FHIT: variants seen among roughly 807,000 people sequenced by gnomAD.
The protein encoded by FHIT is bis(5'-adenosyl)-triphosphatase.
In FHIT, 19 loss-of-function variants were observed where a neutral mutation model predicts 17.9. The ratio of observed to expected loss-of-function variants is 1.06; its 90% CI spans 0.74 to 1.56. FHIT has a LOEUF of 1.56. FHIT is among the 40% of genes most tolerant of loss of function. FHIT has a pLI of 0.00. For synonymous variants in FHIT, 81 were observed against 69.7 expected, an observed-to-expected ratio of 1.16 and a Z score of -0.81; for missense variants, 248 against 189.2, an observed-to-expected ratio of 1.31 and a Z score of -1.82.
chr3:60,763,246 G>T (rs1316358857), intron 4 of FHIT, among the ~76,000 whole-genome samples: 1 of 152,108 alleles, frequency 6.6e-6, no homozygotes, highest in African/African-American at 2.4e-5. Flanking sequence ...TCATTATCAT[G>T]GTGGGCTCAC....
intron 4 of FHIT, among the ~76,000 whole-genome samples, chr3:60,820,438 T>A (rs1212827060): frequency 6.6e-6 from 1 of 152,248 alleles, no homozygotes; most frequent in Admixed American, 6.5e-5. Flanking sequence ...TTTCATTTAC[T>A]GCCTTTAAAC....
intron 8 of FHIT, among the ~76,000 whole-genome samples, chr3:59,870,875 G>C (rs60783866): frequency 3.4e-5 from 2 of 58,982 alleles, no homozygotes; most frequent in African/African-American, 6.2e-5. Context: ...GTGTGTGTGC[G>C]TGTGTGTGTG....
At chr3:60,036,725 G>T (rs547495642) in intron 5 of FHIT, among the ~76,000 whole-genome samples, 1 of 152,212 alleles carries the variant, frequency 6.6e-6, no homozygotes, top group East Asian at 1.9e-4. Context: ...TACAAAGAGA[G>T]AATTCTAAAT....
chr3:60,801,010 G>A (rs1245747499), intron 4 of FHIT, among the ~76,000 whole-genome samples: 4 of 152,126 alleles, frequency 2.6e-5, no homozygotes, highest in African/African-American at 9.7e-5. Context: ...CTTGGTAGGG[G>A]ACCAACAGCA....
chr3:60,543,907 C>CTTTTTTTTTTTTTGTTTTTTTTTT (rs2036271067), intron 4 of FHIT, among the ~76,000 whole-genome samples: 1 of 52,076 alleles, frequency 1.9e-5, no homozygotes, highest in Non-Finnish European at 3.0e-5. Flanking sequence ...CCACGCCCGG[C>CTTTTTTTTTTTTTGTTTTTTTTTT]TTTTTTTTTT....
At chr3:60,229,463 A>G (rs1370099991) in intron 5 of FHIT, among the ~76,000 whole-genome samples, 2 of 151,940 alleles carry the variant, frequency 1.3e-5, no homozygotes, top group African/African-American at 2.4e-5. Flanking sequence ...AGAAAGAAAG[A>G]AAAGAAAGCA....
intron 5 of FHIT, among the ~76,000 whole-genome samples, chr3:60,443,883 A>T (rs560946479): frequency 3.4e-4 from 51 of 152,174 alleles, no homozygotes; most frequent in Middle Eastern, 3.2e-3. Flanking sequence ...AGCAAAAGAA[A>T]CTACCATCAG....
At chr3:60,090,850 T>C (rs1299245885) in intron 5 of FHIT, among the ~76,000 whole-genome samples, 2 of 152,168 alleles carry the variant, frequency 1.3e-5, no homozygotes, top group Admixed American at 1.3e-4. Flanking sequence ...AGAAGATCTG[T>C]TGTCTGAGCT....
chr3:60,197,160 T>A (rs1702684989), intron 5 of FHIT, among the ~76,000 whole-genome samples: 1 of 152,146 alleles, frequency 6.6e-6, no homozygotes, highest in Non-Finnish European at 1.5e-5. Flanking sequence ...ATCATGTCAG[T>A]CATGATTTCA....
At chr3:60,835,054 C>A (rs537523854) in intron 3 of FHIT, among the ~76,000 whole-genome samples, 1 of 152,084 alleles carries the variant, frequency 6.6e-6, no homozygotes, top group African/African-American at 2.4e-5. Flanking sequence ...ATGCCTTCTC[C>A]TTCTAAAAGA....
intron 4 of FHIT, among the ~76,000 whole-genome samples, chr3:60,655,605 A>G (rs2040097308): frequency 6.6e-6 from 1 of 152,124 alleles, no homozygotes; most frequent in Non-Finnish European, 1.5e-5. Context: ...TAAGCACATC[A>G]CCTTCATTAT....
intron 5 of FHIT, among the ~76,000 whole-genome samples, chr3:60,099,366 A>G (rs1704097877): frequency 6.6e-6 from 1 of 152,202 alleles, no homozygotes; most frequent in African/African-American, 2.4e-5. Flanking sequence ...TGTGGAATAC[A>G]TTATTCTCAT....
In FHIT at chr3:60,945,990, G is replaced by C. The variant is rs569251140; in HGVS notation, c.-111+96057C>G. On this transcript the variant is annotated intron_variant, in intron 3 of 9. Coordinates refer to ENST00000492590, the MANE Select transcript of FHIT (RefSeq NM_002012.4). ...TCCATCCACACTCAGGCCCAAAGTA[G>C]GTGGAAAGCTGAATGAGGGTCATAG... 5.3e-5 allele frequency among the ~76,000 whole-genome samples: 8 copies of C among 152,320 alleles called. No individual in the cohort carries two copies. In the East Asian group the frequency reaches 1.5e-3, roughly 29 times the overall value.
intron 5 of FHIT, among the ~76,000 whole-genome samples, chr3:60,253,546 TTC>T (rs1358613999): frequency 3.9e-5 from 6 of 152,190 alleles, no homozygotes; most frequent in Non-Finnish European, 5.9e-5. Flanking sequence ...CATCACACCT[TTC>T]TCTCTGTTTT....
At chr3:60,699,613 G>A (rs924853630) in intron 4 of FHIT, among the ~76,000 whole-genome samples, 6 of 139,444 alleles carry the variant, frequency 4.3e-5, no homozygotes, top group Non-Finnish European at 9.0e-5. Context: ...TGGGTGCAGC[G>A]CACCAGCATG....
intron 2 of FHIT, among the ~76,000 whole-genome samples, chr3:61,091,581 A>T (rs185483404): frequency 6.6e-6 from 1 of 152,272 alleles, no homozygotes. Flanking sequence ...TAACGTTAGC[A>T]AAATAGAAAA....
At chr3:60,584,806 T>G (rs1278489734) in intron 4 of FHIT, among the ~76,000 whole-genome samples, 1 of 151,986 alleles carries the variant, frequency 6.6e-6, no homozygotes, top group African/African-American at 2.4e-5. Context: ...TTGCTACTAC[T>G]GAATGAAGAT....
intron 5 of FHIT, among the ~76,000 whole-genome samples, chr3:60,142,277 A>T (rs1700069646): frequency 6.6e-6 from 1 of 152,184 alleles, no homozygotes; most frequent in South Asian, 2.1e-4. Flanking sequence ...CGTAGCTCAT[A>T]AGGTTGCTGT....
chr3:60,485,353 C>T (rs1262001346), intron 5 of FHIT, among the ~76,000 whole-genome samples: 1 of 152,146 alleles, frequency 6.6e-6, no homozygotes, highest in African/African-American at 2.4e-5. Flanking sequence ...CACATGCACA[C>T]TTATGTTTAG....
Sources: gnomAD v4.1 joint callset for allele counts (sites outside exome capture counted in the v4.1 genomes callset) on GRCh38, gnomAD v4.1.1 for gene constraint, MANE v1.5 for transcripts, NCBI Gene and HGNC (gene_info 2026-07-23, HGNC 2026-07-21) for gene names.